Variants in SLC9C2 observed in about 807,000 individuals in gnomAD.
SLC9C2 encodes sodium/hydrogen exchanger 11.
SLC9C2 carries 75 observed loss-of-function variants against 140.2 expected under a neutral mutation model. That is an observed-to-expected ratio of 0.53 (90% CI 0.44 to 0.65). The LOEUF is 0.65. Ranked by LOEUF, SLC9C2 falls within the 30% of genes least tolerant of loss-of-function variation. SLC9C2 has a pLI of 0.00. For synonymous variants in SLC9C2, 375 were observed against 420.9 expected (o/e 0.89, Z 1.34); for missense variants, 1,074 against 1,331.8 (o/e 0.81, Z 3.01).
At chr1:173,594,916 T>C (rs1484032515) in intron 4 of SLC9C2, among the ~76,000 whole-genome samples, 3 of 152,236 alleles carry the variant, frequency 2.0e-5, no homozygotes, top group Non-Finnish European at 4.4e-5. Flanking sequence ...GTTTTTGTTT[T>C]TGAGACAGAG....
intron 4 of SLC9C2, among the ~76,000 whole-genome samples, chr1:173,589,769 A>G (rs1666052492): frequency 6.6e-6 from 1 of 152,138 alleles, no homozygotes; most frequent in Admixed American, 6.5e-5. Context: ...GGAAAAGAAT[A>G]AAGGTTAAAA....
At chr1:173,558,510 A>G (rs1008377095) in intron 9 of SLC9C2, among the ~76,000 whole-genome samples, 1 of 152,178 alleles carries the variant, frequency 6.6e-6, no homozygotes, top group African/African-American at 2.4e-5. Context: ...CTGCATAACT[A>G]CATAAGCAAG....
At chr1:173,522,862 A>G (rs1280726326) in intron 21 of SLC9C2, among the ~76,000 whole-genome samples, 1 of 152,108 alleles carries the variant, frequency 6.6e-6, no homozygotes, top group Non-Finnish European at 1.5e-5. Flanking sequence ...CTTTGCCTGG[A>G]GTGCTCTTCT....
At chr1:173,590,762 T>C (rs1279168129) in intron 4 of SLC9C2, among the ~76,000 whole-genome samples, 1 of 152,138 alleles carries the variant, frequency 6.6e-6, no homozygotes, top group South Asian at 2.1e-4. Flanking sequence ...ACACAGTGGG[T>C]ATGCTGGCCA....
Position 173,575,904 on chromosome 1 carries a change from A to T in SLC9C2, c.902+757T>A, listed in dbSNP as rs1374382657. 3.9e-5 allele frequency among the ~76,000 whole-genome samples: 6 copies of T among 152,204 alleles called. No individual in the cohort carries two copies. The East Asian group carries it at 1.2e-3, about 29-fold the overall frequency. Reference sequence around the variant, plus strand: ...CCCATGTTTTTTCATTTTGCCGAGTAGAAAAGAAAATACCATCTTCTATCA... The same window carrying T: ...CCCATGTTTTTTCATTTTGCCGAGTTGAAAAGAAAATACCATCTTCTATCA... On this transcript the variant is annotated intron_variant, in intron 8 of 27. Transcript: ENST00000367714.
chr1:173,574,191 G>C (rs1665012337), intron 8 of SLC9C2, among the ~76,000 whole-genome samples: 1 of 152,160 alleles, frequency 6.6e-6, no homozygotes, highest in Non-Finnish European at 1.5e-5. Context: ...TCTCTCTTGA[G>C]ACTTTCCCTT....
intron 17 of SLC9C2, 68 bp downstream of exon 17, chr1:173,533,541 G>C (rs1211268354): frequency 1.8e-5 from 22 of 1,239,050 alleles, no homozygotes; most frequent in African/African-American, 4.6e-5. Context: ...GCCTCCCAAA[G>C]TGCTGGGATT....
chr1:173,601,858 G>A lies in SLC9C2; in HGVS notation c.-79-3C>T. ...CACTTTCACTTCTGCATGCTAACCT[G>A]TATAGCATGCAAAAAGAACATGAGA... On this transcript the variant is annotated splice_polypyrimidine_tract_variant and splice_region_variant and intron_variant, in intron 1 of 27. Coordinates refer to ENST00000367714, the MANE Select transcript of SLC9C2 (RefSeq NM_178527.4). The A allele has an allele frequency of 2.0e-6, 3 of 1,524,444 alleles. No individual in the cohort carries two copies. Among genetic ancestry groups the A allele is most frequent in the Non-Finnish European group, 2.7e-6 (3 of 1,128,052 alleles). The allele number at this position is 1,524,444 out of a possible 1,614,324, so 94.4% of individuals were successfully genotyped here.
intron 5 of SLC9C2, 55 bp downstream of exon 5, chr1:173,587,609 GA>G: frequency 6.8e-7 from 1 of 1,476,392 alleles, no homozygotes; most frequent in Non-Finnish European, 9.2e-7. Flanking sequence ...ATAATCAAAA[GA>G]AAATAATGTA....
In SLC9C2 at chr1:173,500,503, A is replaced by G. The variant is rs1409441812; in HGVS notation, c.*591T>C. On this transcript the variant is annotated 3_prime_UTR_variant, in exon 28 of 28. Coordinates refer to ENST00000367714, the MANE Select transcript of SLC9C2 (RefSeq NM_178527.4). ...ACTCAACTTTATTTGATTTTTAAAA[A>G]TAAAATGAAAGGTGACATCAAACAG... is the stretch of plus-strand genomic sequence containing the variant. 1.3e-5 allele frequency: 2 copies of G among 152,240 alleles called. No individual in the cohort carries two copies. The highest frequency in any genetic ancestry group is 2.9e-5 in the Non-Finnish European group (2 of 68,040). The allele number at this position is 152,240 out of a possible 1,614,324, so 9.4% of individuals were successfully genotyped here.
In SLC9C2 at chr1:173,547,722, C is replaced by T. The variant is rs764586407; in HGVS notation, c.1524G>A (p.Glu508=). 4.3e-6 allele frequency: 7 copies of T among 1,612,486 alleles called. No individual in the cohort carries two copies. The South Asian group carries it at 4.4e-5, about 10-fold the overall frequency. The stretch of plus-strand genomic sequence containing the variant: ...TTGCAGCTACATGCAATCTGGCTTC[C>T]TCCATTAAAGCTTCATCTGTTGTGG... ...TESTTDEALM[E]EARLHVAAIQ... Residue 508 remains glutamate (E), a synonymous_variant, in exon 13 of 28, where the codon GAG becomes GAA. Coordinates refer to ENST00000367714, the MANE Select transcript of SLC9C2 (RefSeq NM_178527.4).
intron 9 of SLC9C2, among the ~76,000 whole-genome samples, chr1:173,557,715 T>C (rs1034639545): frequency 6.6e-6 from 1 of 152,162 alleles, no homozygotes; most frequent in Non-Finnish European, 1.5e-5. Flanking sequence ...TCTTGAAAAA[T>C]AATGCTAGAC....
chr1:173,587,633 C>G, intron 5 of SLC9C2, 32 bp downstream of exon 5: 1 of 1,556,460 alleles, frequency 6.4e-7, no homozygotes, highest in Non-Finnish European at 8.7e-7. Context: ...CTTATATTTT[C>G]AAGATAAGAG....
rs114531453 is a variant in SLC9C2, at chr1:173,581,952, A to G, written c.697T>C (p.Tyr233His). 8.9e-5 allele frequency: 142 copies of G among 1,603,970 alleles called. No individual in the cohort carries two copies. In the East Asian group the frequency reaches 2.6e-3, roughly 30 times the overall value. The change falls in exon 7 of 28, where the codon TAT (tyrosine) becomes CAT (histidine). Residue 233 changes from tyrosine to histidine, a missense_variant. Physicochemically the swap from Tyr to His is moderately conservative, Grantham distance 83. Coordinates refer to ENST00000367714, the MANE Select transcript of SLC9C2 (RefSeq NM_178527.4). ...YDILGSIIFG[Y>H]WCAKIIQCIL... ...CACTGAATGATTTTTGCACACCAAT[A>G]TCCAAATATTATGCTTCCCAAAATG...
intron 27 of SLC9C2, among the ~76,000 whole-genome samples, chr1:173,502,178 C>G (rs1477971309): frequency 7.1e-6 from 1 of 140,716 alleles, no homozygotes; most frequent in Non-Finnish European, 1.5e-5. Context: ...GAGGCTGTGG[C>G]AGGAGAATCG....
intron 4 of SLC9C2, 42 bp downstream of exon 4, chr1:173,597,862 T>C (rs554104692): frequency 2.3e-5 from 35 of 1,526,724 alleles, no homozygotes; most frequent in Non-Finnish European, 3.0e-5. Flanking sequence ...TCAACGTGCA[T>C]AAGCAAGAAT....
Position 173,588,291 on chromosome 1 carries a change from G to A in SLC9C2, c.358-461C>T, listed in dbSNP as rs970442944. On this transcript the variant is annotated intron_variant, in intron 4 of 27. Coordinates refer to ENST00000367714, the MANE Select transcript of SLC9C2 (RefSeq NM_178527.4). ...TAAGTAGTTCTGCAATAGAGAAAGG[G>A]AAGGCCATGAAATGCTTGAGATTAA... 2.0e-5 allele frequency among the ~76,000 whole-genome samples: 3 copies of A among 152,270 alleles called. No individual in the cohort carries two copies. The South Asian group carries it at 6.2e-4, about 32-fold the overall frequency.
intron 27 of SLC9C2, 21 bp downstream of exon 27, chr1:173,503,245 T>G (rs1659403215): frequency 3.1e-6 from 5 of 1,601,846 alleles, no homozygotes; most frequent in Non-Finnish European, 4.3e-6. Context: ...AAAATTCTAA[T>G]CAAAGTGTCA....
intron 23 of SLC9C2, among the ~76,000 whole-genome samples, chr1:173,514,393 C>G (rs1465545052): frequency 1.3e-5 from 2 of 152,136 alleles, no homozygotes; most frequent in African/African-American, 4.8e-5. Context: ...TGAATTGATC[C>G]CTTTACCATT....
Sources: gnomAD v4.1 joint callset for allele counts (sites outside exome capture counted in the v4.1 genomes callset) on GRCh38, gnomAD v4.1.1 for gene constraint, MANE v1.5 for transcripts, NCBI Gene and HGNC (gene_info 2026-07-23, HGNC 2026-07-21) for gene names.